Variants in PGCKA1 observed in about 807,000 individuals in gnomAD.
PGCKA1 encodes the protein PDCD10 and GCKIII kinases-associated protein 1.
the PGCKA1 span, among the ~76,000 whole-genome samples, chr4:37,507,955 T>C: frequency 7.9e-5 from 12 of 152,198 alleles, no homozygotes; most frequent in African/African-American, 2.7e-4. Flanking sequence ...GGATATACTA[T>C]TCCAGCATAA....
chr4:37,533,851 T>C, the PGCKA1 span, among the ~76,000 whole-genome samples: 1 of 152,194 alleles, frequency 6.6e-6, no homozygotes, highest in African/African-American at 2.4e-5. Context: ...TGCCAAATAA[T>C]GGTGGGAAAT....
the PGCKA1 span, among the ~76,000 whole-genome samples, chr4:37,498,548 T>TTTTCATTTG: frequency 6.6e-6 from 1 of 152,348 alleles, no homozygotes; most frequent in Admixed American, 6.5e-5. Flanking sequence ...ACGGGATATG[T>TTTTCATTTG]TTTCATTTGT....
At chr4:37,590,284 T>C in the PGCKA1 span, 1 of 1,614,112 alleles carries the variant, frequency 6.2e-7, no homozygotes, top group Admixed American at 1.7e-5. Flanking sequence ...ATGGGAGCCC[T>C]GCTGGCCTCA....
At chr4:37,575,953 ATGTC>A in the PGCKA1 span, among the ~76,000 whole-genome samples, 10 of 152,032 alleles carry the variant, frequency 6.6e-5, no homozygotes, top group Non-Finnish European at 1.0e-4. Context: ...ATTGGTCTAT[ATGTC>A]TATGTTTTTA....
At chr4:37,464,436 C>T in the PGCKA1 span, among the ~76,000 whole-genome samples, 15 of 152,162 alleles carry the variant, frequency 9.9e-5, no homozygotes, top group Non-Finnish European at 1.3e-4. Context: ...AAAACTGGGA[C>T]GCTAACTACT....
the PGCKA1 span, among the ~76,000 whole-genome samples, chr4:37,575,959 A>G: frequency 6.6e-6 from 1 of 151,974 alleles, no homozygotes; most frequent in African/African-American, 2.4e-5. Flanking sequence ...CTATATGTCT[A>G]TGTTTTTATG....
At chr4:37,473,017 A>G in the PGCKA1 span, among the ~76,000 whole-genome samples, 1 of 152,210 alleles carries the variant, frequency 6.6e-6, no homozygotes, top group East Asian at 1.9e-4. Context: ...GAATTAGATA[A>G]CAAGTAATTT....
the PGCKA1 span, among the ~76,000 whole-genome samples, chr4:37,531,394 A>T: frequency 1.3e-5 from 2 of 152,050 alleles, no homozygotes; most frequent in Admixed American, 6.6e-5. Flanking sequence ...TGGGCCTTAG[A>T]GTCACTGTTA....
At chr4:37,467,021 C>T in the PGCKA1 span, among the ~76,000 whole-genome samples, 1 of 152,094 alleles carries the variant, frequency 6.6e-6, no homozygotes, top group Admixed American at 6.5e-5. Flanking sequence ...TCGCTTCAAC[C>T]CGGGAGGCAG....
chr4:37,542,880 T>A, the PGCKA1 span, among the ~76,000 whole-genome samples: 2 of 152,212 alleles, frequency 1.3e-5, no homozygotes, highest in African/African-American at 4.8e-5. Flanking sequence ...AAGCTTGATG[T>A]CTTATTCATC....
the PGCKA1 span, among the ~76,000 whole-genome samples, chr4:37,488,296 C>T: frequency 5.9e-5 from 9 of 152,178 alleles, no homozygotes; most frequent in African/African-American, 2.2e-4. Flanking sequence ...TATTAAGACA[C>T]ATTGGCATAT....
At chr4:37,590,429 G>A in the PGCKA1 span, 1 of 1,612,798 alleles carries the variant, frequency 6.2e-7, no homozygotes, top group Non-Finnish European at 8.5e-7. Flanking sequence ...TCCTGGGCCA[G>A]TACTGCAAAT....
chr4:37,521,867 C>A, the PGCKA1 span, among the ~76,000 whole-genome samples: 24 of 152,216 alleles, frequency 1.6e-4, no homozygotes, highest in African/African-American at 5.8e-4. Context: ...CTGGATACCC[C>A]AGTGTTAGGT....
the PGCKA1 span, chr4:37,590,996 A>C: frequency 6.2e-7 from 1 of 1,604,992 alleles, no homozygotes. Flanking sequence ...GATGAGACTG[A>C]TTAGGGGAGG....
the PGCKA1 span, among the ~76,000 whole-genome samples, chr4:37,493,056 A>G: frequency 5.6e-4 from 86 of 152,252 alleles, no homozygotes; most frequent in Admixed American, 1.9e-3. Context: ...GTATAGATAT[A>G]TATATGTATA....
At chr4:37,504,200 G>A in the PGCKA1 span, among the ~76,000 whole-genome samples, 14,457 of 152,072 alleles carry the variant, frequency 0.095, 887 homozygotes, top group Admixed American at 0.17. Context: ...CATTGCCAAC[G>A]TACACTCTTG....
At chr4:37,554,152 G>A in the PGCKA1 span, among the ~76,000 whole-genome samples, 2,351 of 151,830 alleles carry the variant, frequency 0.015, 31 homozygotes, top group South Asian at 0.057. Flanking sequence ...CCCTGCACAC[G>A]CTGCCTTGCC....
At chr4:37,528,746 A>G in the PGCKA1 span, among the ~76,000 whole-genome samples, 1 of 152,246 alleles carries the variant, frequency 6.6e-6, no homozygotes, top group African/African-American at 2.4e-5. Flanking sequence ...GGGTTAAAGT[A>G]GGAAGACTGA....
chr4:37,525,333 T>G, the PGCKA1 span, among the ~76,000 whole-genome samples: 4 of 152,178 alleles, frequency 2.6e-5, no homozygotes, highest in African/African-American at 9.7e-5. Context: ...AACTTCAAAA[T>G]AGGTCTTTAC....
Sources: gnomAD v4.1 joint callset for allele counts (sites outside exome capture counted in the v4.1 genomes callset) on GRCh38, gnomAD v4.1.1 for gene constraint, MANE v1.5 for transcripts, NCBI Gene and HGNC (gene_info 2026-07-23, HGNC 2026-07-21) for gene names.